The following RERE variants were observed in gnomAD, a reference collection of about 807,000 sequenced individuals.
The protein encoded by RERE is arginine-glutamic acid dipeptide repeats protein.
RERE carries 40 observed loss-of-function variants against 146.1 expected under a neutral mutation model. That is an observed-to-expected ratio of 0.27 (90% CI 0.21 to 0.36). RERE has a LOEUF of 0.36. Among genes scored for constraint, RERE ranks in the 10% least tolerant of loss-of-function variants. The probability of loss-of-function intolerance (pLI) is 1.00; values close to 1 mark genes in which losing one functional copy is unlikely to be tolerated. For synonymous variants in RERE, 1,003 were observed against 866.0 expected (o/e 1.16, Z -2.78); for missense variants, 1,933 against 2,138.7 (o/e 0.90, Z 1.90).
intron 1 of RERE, among the ~76,000 whole-genome samples, chr1:8,699,040 C>T (rs2124435096): frequency 6.6e-6 from 1 of 152,276 alleles, no homozygotes; most frequent in South Asian, 2.1e-4. Flanking sequence ...AATCATCATG[C>T]TCATTTTTAT....
intron 12 of RERE, among the ~76,000 whole-genome samples, chr1:8,394,480 G>A (rs747142025): frequency 1.3e-5 from 2 of 152,208 alleles, no homozygotes; most frequent in Admixed American, 6.5e-5. Context: ...TTTTATAGAT[G>A]AGAAAACTAA....
chr1:8,453,284 T>C (rs953301661), intron 11 of RERE, among the ~76,000 whole-genome samples: 3 of 152,170 alleles, frequency 2.0e-5, no homozygotes, highest in African/African-American at 7.2e-5. Context: ...TTCATTTCCA[T>C]GGACTGAACT....
intron 7 of RERE, among the ~76,000 whole-genome samples, chr1:8,521,871 G>A (rs537245762): frequency 1.3e-5 from 2 of 152,252 alleles, no homozygotes; most frequent in African/African-American, 4.8e-5. Context: ...AATGGAGACC[G>A]TAAGAATAGA....
intron 3 of RERE, among the ~76,000 whole-genome samples, chr1:8,616,398 T>C (rs1271403320): frequency 3.9e-5 from 6 of 152,170 alleles, no homozygotes; most frequent in Admixed American, 3.9e-4. Flanking sequence ...AGGTTTTTCT[T>C]GGACTATTGA....
intron 7 of RERE, among the ~76,000 whole-genome samples, chr1:8,540,342 C>T (rs12401496): frequency 0.16 from 24,968 of 152,058 alleles, 2,367 homozygotes; most frequent in Middle Eastern, 0.29. Flanking sequence ...TGGGCTCAAG[C>T]GCTCAAGCAA....
chr1:8,357,046 C>T (rs1641324113), intron 20 of RERE, among the ~76,000 whole-genome samples: 1 of 152,234 alleles, frequency 6.6e-6, no homozygotes, highest in Admixed American at 6.5e-5. Context: ...CATACTGCCC[C>T]TGCGCCCAGC....
chr1:8,361,000 G>C lies in RERE; in HGVS notation c.2507C>G (p.Pro836Arg). Residue 836 changes from proline to arginine, a missense_variant, in exon 18 of 23, where the codon CCT becomes CGT. This residue lies in a region of RERE where 1,255 missense variants were observed against 1,153.8 expected (regional missense o/e 1.09). Transcript: ENST00000400908. ...GGGCTGGGCATGAGAGGGTGCAGAA[G>C]GCTGGCCCGCCGACCCAGTCAGAGG... Reference protein sequence around the residue: ...LQPLTGSAGQPSAPSHAQPPL... With the variant: ...LQPLTGSAGQRSAPSHAQPPL... The C allele has an allele frequency of 7.0e-7, 1 of 1,438,462 alleles. No homozygotes were observed. The highest frequency in any genetic ancestry group is 9.1e-7 in the Non-Finnish European group (1 of 1,102,160). The allele number at this position is 1,438,462 out of a possible 1,614,324, so 89.1% of individuals were successfully genotyped here.
At chr1:8,765,758 C>T (rs1006014679) in intron 1 of RERE, among the ~76,000 whole-genome samples, 1 of 152,186 alleles carries the variant, frequency 6.6e-6, no homozygotes, top group East Asian at 1.9e-4. Flanking sequence ...TCGAGACCAT[C>T]CTGGCCAACA....
chr1:8,812,508 G>A (rs1641832030), intron 1 of RERE, among the ~76,000 whole-genome samples: 1 of 152,140 alleles, frequency 6.6e-6, no homozygotes, highest in Admixed American at 6.6e-5. Context: ...TTAGCCAGGT[G>A]TGGTGGCACA....
chr1:8,359,126 C>T (rs916939921), intron 19 of RERE, among the ~76,000 whole-genome samples: 2 of 152,210 alleles, frequency 1.3e-5, no homozygotes, highest in African/African-American at 4.8e-5. Context: ...CAGCTCCCCT[C>T]AGGCCCAGAT....
chr1:8,750,384 C>T (rs1640508586), intron 1 of RERE: 5 of 676,218 alleles, frequency 7.4e-6, no homozygotes, highest in Non-Finnish European at 1.3e-5. Flanking sequence ...GTGTCACAAA[C>T]CCAGTAGTCT....
intron 4 of RERE, among the ~76,000 whole-genome samples, chr1:8,575,644 C>T (rs1646285896): frequency 6.6e-6 from 1 of 150,492 alleles, no homozygotes; most frequent in Non-Finnish European, 1.5e-5. Flanking sequence ...ATCCCCCAAC[C>T]TCGGCCTCCA....
At chr1:8,611,041 A>G (rs1646787009) in intron 4 of RERE, among the ~76,000 whole-genome samples, 3 of 152,010 alleles carry the variant, frequency 2.0e-5, no homozygotes, top group African/African-American at 7.3e-5. Context: ...AAAAATACAA[A>G]AAAAATTGCC....
In RERE at chr1:8,765,462, T is replaced by C. The variant is rs557550744; in HGVS notation, c.-145+51698A>G. Among the ~76,000 whole-genome samples the C allele has an allele frequency of 3.1e-4, 47 of 152,332 alleles. 2 individuals are homozygous for C. The South Asian group carries it at 8.5e-3, about 28-fold the overall frequency. ...TCTGTGAACACAAAAAACAATTGAA[T>C]TGTACAATTTAAGTAGGTAAATTAT... On this transcript the variant is annotated intron_variant, in intron 1 of 22. Coordinates refer to ENST00000400908, the MANE Select transcript of RERE (RefSeq NM_001042681.2).
chr1:8,513,647 T>C (rs1012471059), intron 7 of RERE, among the ~76,000 whole-genome samples: 2 of 152,050 alleles, frequency 1.3e-5, no homozygotes, highest in African/African-American at 4.8e-5. Context: ...GGGTGTGGTG[T>C]TGCATGCTTG....
chr1:8,536,297 G>A (rs1210938584), intron 7 of RERE, among the ~76,000 whole-genome samples: 2 of 152,034 alleles, frequency 1.3e-5, no homozygotes, highest in Non-Finnish European at 1.5e-5. Flanking sequence ...CCATGGACAC[G>A]AGGATTAAGT....
intron 7 of RERE, among the ~76,000 whole-genome samples, chr1:8,538,826 G>T (rs1645760460): frequency 6.6e-6 from 1 of 152,190 alleles, no homozygotes; most frequent in African/African-American, 2.4e-5. Flanking sequence ...TGCAGATCCT[G>T]TAAGTGTGCT....
chr1:8,370,762 A>G (rs1223050664), intron 12 of RERE, among the ~76,000 whole-genome samples: 1 of 152,210 alleles, frequency 6.6e-6, no homozygotes, highest in Admixed American at 6.5e-5. Flanking sequence ...TTGAACTTTA[A>G]TCAAACATGC....
chr1:8,709,515 G>C (rs755870137), intron 1 of RERE, among the ~76,000 whole-genome samples: 1 of 152,004 alleles, frequency 6.6e-6, no homozygotes, highest in African/African-American at 2.4e-5. Flanking sequence ...CTAGAACATA[G>C]GTACAAAAGC....
Sources: allele counts gnomAD v4.1 joint callset (sites outside exome capture counted in the v4.1 genomes callset), GRCh38; gene constraint gnomAD v4.1.1; regional missense constraint gnomAD v4.1.1; transcripts MANE v1.5; gene names NCBI Gene and HGNC (gene_info 2026-07-23, HGNC 2026-07-21).